The following NRG3 variants were observed in gnomAD, a reference collection of about 807,000 sequenced individuals.
The protein encoded by NRG3 is pro-neuregulin-3, membrane-bound isoform.
NRG3 carries 31 observed loss-of-function variants against 66.9 expected under a neutral mutation model. The observed-to-expected ratio is 0.46, with a 90% CI of 0.35 to 0.63. The LOEUF is 0.63. Ranked by LOEUF, NRG3 falls within the 20% of genes least tolerant of loss-of-function variation. The probability of loss-of-function intolerance (pLI) is 0.00; values close to 1 mark genes in which losing one functional copy is unlikely to be tolerated. For missense variants in NRG3, 910 were observed against 878.9 expected (o/e 1.04, Z -0.45); for synonymous variants, 393 against 359.4 (o/e 1.09, Z -1.06).
chr10:82,341,249 TAG>T (rs947129228), intron 1 of NRG3, among the ~76,000 whole-genome samples: 9 of 152,088 alleles, frequency 5.9e-5, no homozygotes, highest in African/African-American at 2.2e-4. Flanking sequence ...GAGTGATAAA[TAG>T]AGTGTTTGGC....
intron 1 of NRG3, among the ~76,000 whole-genome samples, chr10:81,953,123 T>G (rs1448516751): frequency 6.6e-6 from 1 of 152,130 alleles, no homozygotes; most frequent in African/African-American, 2.4e-5. Context: ...GCCAGGTCAT[T>G]TCTCTCTAAC....
chr10:81,992,083 G>T (rs1331642691), intron 1 of NRG3, among the ~76,000 whole-genome samples: 1 of 151,776 alleles, frequency 6.6e-6, no homozygotes, highest in African/African-American at 2.4e-5. Context: ...TTGTAAGTTG[G>T]GTCCTTTCAC....
intron 1 of NRG3, among the ~76,000 whole-genome samples, chr10:82,009,624 C>T (rs1281233923): frequency 6.6e-6 from 1 of 152,122 alleles, no homozygotes; most frequent in African/African-American, 2.4e-5. Flanking sequence ...GCACAGTGTG[C>T]AGTGGTGCAC....
Position 82,680,051 on chromosome 10 carries a change from T to G in NRG3, c.954-58526T>G, listed in dbSNP as rs539118496. ...AAGATCTGATGGGAAGCATTATCCA[T>G]GTAGCTAGTTACACCAAAACTAATA... On this transcript the variant is annotated intron_variant, in intron 2 of 8. Transcript: ENST00000372141. Among the ~76,000 whole-genome samples the G allele has an allele frequency of 1.4e-3, 217 of 152,336 alleles. 1 individual carries two copies. The highest frequency in any genetic ancestry group is 4.8e-3 in the Admixed American group (73 of 15,298).
Position 82,963,477 on chromosome 10 carries a change from G to A in NRG3, c.1284+4402G>A, listed in dbSNP as rs112609554. Among the ~76,000 whole-genome samples the A allele has an allele frequency of 6.9e-3, 1,043 of 152,024 alleles. 11 individuals are homozygous for A. Among genetic ancestry groups the A allele is most frequent in the African/African-American group, 0.024 (984 of 41,480 alleles). On this transcript the variant is annotated intron_variant, in intron 6 of 8. Transcript: ENST00000372141. Reference sequence around the variant, plus strand: ...GGGTGGATCACGAGGTCAGGAGATCGAGACAATCCTGGCTAACACGGTGAA... The same window carrying A: ...GGGTGGATCACGAGGTCAGGAGATCAAGACAATCCTGGCTAACACGGTGAA...
At chr10:82,214,828 A>G (rs2075581511) in intron 1 of NRG3, among the ~76,000 whole-genome samples, 1 of 152,104 alleles carries the variant, frequency 6.6e-6, no homozygotes, top group Non-Finnish European at 1.5e-5. Flanking sequence ...CTTTTATTTC[A>G]CGGTGACTTC....
chr10:82,358,591 A>T, intron 1 of NRG3, 148 bp from the exon 2 acceptor site: 2 of 1,013,886 alleles, frequency 2.0e-6, no homozygotes, highest in Non-Finnish European at 2.9e-6. Flanking sequence ...TTTGGTCAGT[A>T]CCAAGGAGGG....
rs1163538199 is a variant in NRG3, at chr10:82,641,011, T to G, written c.954-97566T>G. On this transcript the variant is annotated intron_variant, in intron 2 of 8. Coordinates refer to ENST00000372141, the MANE Select transcript of NRG3 (RefSeq NM_001010848.4). ...GGTCTTTAAATTTTTCAGTCTGTCG[T>G]TTTTTTTTTTTTTTTTTTTTTTTTT... Among the ~76,000 whole-genome samples, 2 of 6,732 alleles carry G rather than the reference T, an allele frequency of 3.0e-4. 1 individual carries two copies. Among genetic ancestry groups the G allele is most frequent in the Non-Finnish European group, 8.3e-4 (2 of 2,414 alleles). The allele number at this position is 6,732 out of a possible 152,430, so 4.4% of individuals were successfully genotyped here.
chr10:82,618,864 G>A (rs1181793810), intron 2 of NRG3, among the ~76,000 whole-genome samples: 5 of 151,716 alleles, frequency 3.3e-5, no homozygotes, highest in African/African-American at 9.7e-5. Flanking sequence ...TTTTATGGAC[G>A]TGTTTAAAGT....
intron 2 of NRG3, among the ~76,000 whole-genome samples, chr10:82,374,986 C>T (rs1379730266): frequency 6.6e-6 from 1 of 152,174 alleles, no homozygotes; most frequent in Non-Finnish European, 1.5e-5. Context: ...CCATCTCATC[C>T]ACGATGGTTT....
intron 2 of NRG3, among the ~76,000 whole-genome samples, chr10:82,453,700 T>G (rs79002609): frequency 1.3e-5 from 2 of 151,336 alleles, no homozygotes; most frequent in South Asian, 4.2e-4. Flanking sequence ...AAAAAAAACC[T>G]AGTTTGAACT....
chr10:82,002,240 C>T (rs1179999254), intron 1 of NRG3, among the ~76,000 whole-genome samples: 2 of 152,110 alleles, frequency 1.3e-5, no homozygotes, highest in Non-Finnish European at 2.9e-5. Context: ...ACTCTTGGGA[C>T]CTCATTACCT....
chr10:82,676,488 G>A (rs1332297910), intron 2 of NRG3, among the ~76,000 whole-genome samples: 1 of 151,908 alleles, frequency 6.6e-6, no homozygotes, highest in East Asian at 1.9e-4. Flanking sequence ...TGGTTTTTTT[G>A]TTTGTTTTTT....
intron 1 of NRG3, among the ~76,000 whole-genome samples, chr10:82,242,022 C>A (rs2077028569): frequency 6.6e-6 from 1 of 152,094 alleles, no homozygotes; most frequent in South Asian, 2.1e-4. Flanking sequence ...TTCTAAGAAA[C>A]AATAAGCTCT....
chr10:82,371,540 T>C (rs1459221188), intron 2 of NRG3, among the ~76,000 whole-genome samples: 6 of 152,000 alleles, frequency 3.9e-5, no homozygotes, highest in African/African-American at 1.4e-4. Context: ...AAGAGAGGGG[T>C]TGAGTTGGAT....
At chr10:82,811,120 C>G (rs1251448013) in intron 3 of NRG3, among the ~76,000 whole-genome samples, 1 of 152,154 alleles carries the variant, frequency 6.6e-6, no homozygotes, top group Non-Finnish European at 1.5e-5. Context: ...TATCTGTCTC[C>G]CAAGCATATA....
chr10:82,625,135 A>G (rs1424314947), intron 2 of NRG3, among the ~76,000 whole-genome samples: 1 of 151,710 alleles, frequency 6.6e-6, no homozygotes, highest in Non-Finnish European at 1.5e-5. Flanking sequence ...TCTTCCAGCA[A>G]CCCCATTTTA....
At chr10:82,055,411 A>T (rs2063791911) in intron 1 of NRG3, among the ~76,000 whole-genome samples, 1 of 143,896 alleles carries the variant, frequency 6.9e-6, no homozygotes, top group Admixed American at 7.0e-5. Context: ...CAGAAGGCAG[A>T]GTTTGCAGTG....
chr10:82,805,678 A>G (rs1181057749), intron 3 of NRG3, among the ~76,000 whole-genome samples: 1 of 152,094 alleles, frequency 6.6e-6, no homozygotes, highest in Non-Finnish European at 1.5e-5. Flanking sequence ...TAGAGCATGA[A>G]AGAGGTGACG....
Sources: gnomAD v4.1 joint callset for allele counts (sites outside exome capture counted in the v4.1 genomes callset) on GRCh38, gnomAD v4.1.1 for gene constraint, MANE v1.5 for transcripts, NCBI Gene and HGNC (gene_info 2026-07-23, HGNC 2026-07-21) for gene names.